The following ANKFY1 variants were observed in gnomAD, a reference collection of about 807,000 sequenced individuals.
The protein encoded by ANKFY1 is ankyrin repeat and FYVE domain containing 1, also known as ankyrin repeat and FYVE domain-containing protein 1.
A neutral mutation model predicts 128.3 loss-of-function variants in ANKFY1; 47 were observed. That is an observed-to-expected ratio of 0.37 (90% CI 0.29 to 0.47). The LOEUF (loss-of-function observed/expected upper bound fraction) is 0.47. ANKFY1 is among the 20% of genes least tolerant of loss of function. ANKFY1 has a pLI of 1.00. For missense variants in ANKFY1, 1,222 were observed against 1,510.6 expected (o/e 0.81, Z 3.17); for synonymous variants, 553 against 601.6 (o/e 0.92, Z 1.18).
At chr17:4,235,611 C>G (rs1245556659) in intron 3 of ANKFY1, among the ~76,000 whole-genome samples, 161 bp downstream of exon 3, 1 of 152,144 alleles carries the variant, frequency 6.6e-6, no homozygotes, top group Non-Finnish European at 1.5e-5. Flanking sequence ...AAAAGTACAA[C>G]CTGCTGATTC....
rs544951986 is a variant in ANKFY1 at position 4,230,297 on chromosome 17, C to A, written c.322+5475G>T. On this transcript the variant is annotated intron_variant, in intron 3 of 24. Coordinates refer to ENST00000341657, the MANE Select transcript of ANKFY1 (RefSeq NM_001330063.2). ...GCTGTTTGGAATGGCTTGACACTAT[C>A]CAGGACACATTCCAGGAGAGCTGAA... Among the ~76,000 whole-genome samples the A allele has an allele frequency of 2.0e-5, 3 of 152,284 alleles. No individual in the cohort carries two copies. The South Asian group carries it at 6.2e-4, about 32-fold the overall frequency.
intron 12 of ANKFY1, 88 bp downstream of exon 12, chr17:4,184,730 C>T: frequency 1.4e-6 from 2 of 1,433,888 alleles, no homozygotes; most frequent in South Asian, 1.2e-5. Flanking sequence ...ATGAAACTCA[C>T]CAACAGAAAA....
In ANKFY1 at chr17:4,183,912, TA is replaced by T; in HGVS notation, c.1700-3del. 1 of 1,609,452 alleles carries T rather than the reference TA, an allele frequency of 6.2e-7. No homozygotes were observed. The highest frequency in any genetic ancestry group is 8.5e-7 in the Non-Finnish European group (1 of 1,175,806). On this transcript the variant is annotated splice_polypyrimidine_tract_variant and splice_region_variant and intron_variant, in intron 12 of 24. Transcript: ENST00000341657. Reference sequence around the variant, plus strand: ...TGTTGGTGGCATGAAGAGCATTGGCTAAATGTTTGAAAAAGTAAAAGAACAC... The same window carrying T: ...TGTTGGTGGCATGAAGAGCATTGGCTAATGTTTGAAAAAGTAAAAGAACAC...
Position 4,183,490 on chromosome 17 carries a change from C to T in ANKFY1, c.1860G>A (p.Ser620=), listed in dbSNP as rs376286355. 38 of 1,613,418 alleles carry T rather than the reference C, an allele frequency of 2.4e-5. No individual in the cohort carries two copies. In the African/African-American group the frequency reaches 3.3e-4, roughly 14 times the overall value. The change falls in exon 14 of 25, where the codon TCG becomes TCA. Residue 620 remains serine, a synonymous_variant. Coordinates refer to ENST00000341657, the MANE Select transcript of ANKFY1 (RefSeq NM_001330063.2). Reference sequence around the variant, plus strand: ...CCATGTGCAGTAGCGTCTGCCCATCCGACATGGTGTCATTGATGGCGGCTC... The same window carrying T: ...CCATGTGCAGTAGCGTCTGCCCATCTGACATGGTGTCATTGATGGCGGCTC... The part of the protein sequence containing the change: ...GSGAAINDTM[S]DGQTLLHMAI...
chr17:4,227,602 AC>A (rs1448954322), intron 3 of ANKFY1, among the ~76,000 whole-genome samples: 1 of 152,234 alleles, frequency 6.6e-6, no homozygotes, highest in African/African-American at 2.4e-5. Flanking sequence ...GAGATCAAGA[AC>A]AAAGGATGCT....
intron 4 of ANKFY1, among the ~76,000 whole-genome samples, chr17:4,216,107 G>A (rs2060216741): frequency 6.6e-6 from 1 of 152,208 alleles, no homozygotes; most frequent in Admixed American, 6.5e-5. Context: ...GCCGTCCACT[G>A]ATTTCATGTG....
chr17:4,232,355 G>A (rs756790529), intron 3 of ANKFY1, among the ~76,000 whole-genome samples: 13 of 152,182 alleles, frequency 8.5e-5, no homozygotes, highest in Non-Finnish European at 1.8e-4. Flanking sequence ...TTTAGGCAAT[G>A]AGCAGGACTG....
chr17:4,231,439 C>T (rs544282488), intron 3 of ANKFY1, among the ~76,000 whole-genome samples: 23 of 151,426 alleles, frequency 1.5e-4, no homozygotes, highest in Admixed American at 3.9e-4. Context: ...CAGTGAGCCG[C>T]GATAGTGTCA....
chr17:4,186,703 C>T, intron 11 of ANKFY1: 1 of 549,594 alleles, frequency 1.8e-6, no homozygotes, highest in South Asian at 8.0e-5. Flanking sequence ...TCCTCCCCTG[C>T]TCCTCCCGCT....
At chr17:4,263,686 G>A in intron 1 of ANKFY1, 1 of 1,526,018 alleles carries the variant, frequency 6.6e-7, no homozygotes, top group Non-Finnish European at 8.8e-7. Context: ...CGCGGGACCT[G>A]CCAGCCCGGC....
At chr17:4,238,948 A>G (rs1967061216) in intron 2 of ANKFY1, among the ~76,000 whole-genome samples, 1 of 152,062 alleles carries the variant, frequency 6.6e-6, no homozygotes, top group African/African-American at 2.4e-5. Flanking sequence ...TAGTAGAGAC[A>G]GAGTTTCGCC....
intron 12 of ANKFY1, among the ~76,000 whole-genome samples, chr17:4,184,170 G>T (rs149562377): frequency 2.7e-4 from 41 of 152,240 alleles, no homozygotes; most frequent in African/African-American, 9.9e-4. Flanking sequence ...ACGGAAACAC[G>T]CTTGATTACT....
intron 7 of ANKFY1, 130 bp downstream of exon 7, chr17:4,206,191 A>T: frequency 1.0e-6 from 1 of 983,632 alleles, no homozygotes; most frequent in Non-Finnish European, 1.5e-6. Context: ...ATCAAATTCT[A>T]GATCATGTAG....
In ANKFY1 at chr17:4,169,326, C is replaced by T. The variant is rs1415895522; in HGVS notation, c.3287-38G>A. 5.4e-6 allele frequency: 8 copies of T among 1,487,396 alleles called. No individual in the cohort carries two copies. In the Admixed American group the frequency reaches 5.9e-5, roughly 11 times the overall value. 92.1% of individuals were successfully genotyped at this position (1,487,396 alleles called of 1,614,324 possible). ...GGGGAGGCCCGGTCCCGTCAAACCG[C>T]GACGGCGCCACGCAAGCCCCAGGGC... On this transcript the variant is annotated intron_variant, in intron 23 of 24. Coordinates refer to ENST00000341657, the MANE Select transcript of ANKFY1 (RefSeq NM_001330063.2). The surrounding 1 kb of genome is among the most constrained non-coding windows in gnomAD (Gnocchi z 5.0).
At chr17:4,260,387 C>A (rs768958940) in intron 1 of ANKFY1, among the ~76,000 whole-genome samples, 2 of 152,082 alleles carry the variant, frequency 1.3e-5, no homozygotes, top group African/African-American at 4.8e-5. Flanking sequence ...GAGGCCCAGG[C>A]AGGTGAATGG....
chr17:4,207,209 T>C (rs1228518808), intron 6 of ANKFY1, among the ~76,000 whole-genome samples: 6 of 151,976 alleles, frequency 3.9e-5, no homozygotes, highest in African/African-American at 1.2e-4. Flanking sequence ...CCGATCTATC[T>C]AACCACAGAG....
intron 1 of ANKFY1, among the ~76,000 whole-genome samples, chr17:4,246,268 A>G (rs1389821214): frequency 1.3e-5 from 2 of 152,222 alleles, no homozygotes; most frequent in Non-Finnish European, 2.9e-5. Flanking sequence ...TGTTTGTAGC[A>G]TACTGGACCC....
chr17:4,263,703 G>A (rs1598169761), intron 1 of ANKFY1: 1 of 1,501,112 alleles, frequency 6.7e-7, no homozygotes, highest in South Asian at 1.3e-5. Flanking sequence ...CGGCTCCGCA[G>A]CCGGCCGCAG....
At position 4,167,699 on chromosome 17, in the gene ANKFY1, C is replaced by G. The variant is rs920118010; in HGVS notation, c.*80G>C. On this transcript the variant is annotated 3_prime_UTR_variant, in exon 25 of 25. Coordinates refer to ENST00000341657, the MANE Select transcript of ANKFY1 (RefSeq NM_001330063.2). The surrounding 1 kb of genome is among the most constrained non-coding windows in gnomAD (Gnocchi z 4.1). ...AGGAAGACACCCGCCAGCTCCTGCT[C>G]TGGGTGGGGTCAGGCTGGTGAGCAG... 18 of 1,423,980 alleles carry G rather than the reference C, an allele frequency of 1.3e-5. No homozygotes were observed. The highest frequency in any genetic ancestry group is 1.6e-5 in the Non-Finnish European group (17 of 1,066,108). The allele number at this position is 1,423,980 out of a possible 1,614,324, so 88.2% of individuals were successfully genotyped here.
Sources: allele counts gnomAD v4.1 joint callset (sites outside exome capture counted in the v4.1 genomes callset), GRCh38; gene constraint gnomAD v4.1.1; non-coding constraint Gnocchi (gnomAD v3.1); transcripts MANE v1.5; gene names NCBI Gene and HGNC (gene_info 2026-07-23, HGNC 2026-07-21).